The following PRKCE variants were observed in gnomAD, a reference collection of about 807,000 sequenced individuals.
The protein encoded by PRKCE is protein kinase C epsilon.
A neutral mutation model predicts 85.4 loss-of-function variants in PRKCE; 16 were observed. The ratio of observed to expected loss-of-function variants is 0.19; its 90% CI spans 0.13 to 0.28. PRKCE has a LOEUF of 0.28. PRKCE is among the 10% of genes least tolerant of loss of function. The pLI is 1.00. For synonymous variants in PRKCE, 388 were observed against 371.5 expected, an observed-to-expected ratio of 1.04 and a Z score of -0.51; for missense variants, 573 against 975.2, an observed-to-expected ratio of 0.59 and a Z score of 5.49.
chr2:45,813,893 C>T (rs1478357416), intron 1 of PRKCE, among the ~76,000 whole-genome samples: 1 of 152,220 alleles, frequency 6.6e-6, no homozygotes, highest in Non-Finnish European at 1.5e-5. Context: ...ATAAATACAG[C>T]TGAGATTAGC....
intron 10 of PRKCE, among the ~76,000 whole-genome samples, chr2:46,074,643 T>C (rs1668391008): frequency 6.6e-6 from 1 of 152,162 alleles, no homozygotes; most frequent in Non-Finnish European, 1.5e-5. Flanking sequence ...GTACAGGAAC[T>C]GATAAGGTGA....
intron 10 of PRKCE, among the ~76,000 whole-genome samples, chr2:46,026,910 G>A (rs995187371): frequency 6.6e-6 from 1 of 152,186 alleles, no homozygotes; most frequent in African/African-American, 2.4e-5. Flanking sequence ...GCAAGGGGCC[G>A]GGTGTGGTGG....
At chr2:46,086,840 G>A (rs1229145566) in intron 11 of PRKCE, among the ~76,000 whole-genome samples, 1 of 152,082 alleles carries the variant, frequency 6.6e-6, no homozygotes, top group Non-Finnish European at 1.5e-5. Flanking sequence ...TATGATCTTG[G>A]GTGGGGAACA....
At chr2:45,653,041 G>A (rs1191227930) in intron 1 of PRKCE, among the ~76,000 whole-genome samples, 2 of 152,162 alleles carry the variant, frequency 1.3e-5, no homozygotes, top group Non-Finnish European at 2.9e-5. Context: ...AACATCAGTC[G>A]AGCTTGTTTT....
At chr2:45,812,888 C>T (rs908857471) in intron 1 of PRKCE, among the ~76,000 whole-genome samples, 1 of 152,164 alleles carries the variant, frequency 6.6e-6, no homozygotes, top group Non-Finnish European at 1.5e-5. Flanking sequence ...AAATAATAGT[C>T]CGCCAGGAAA....
Position 46,086,301 on chromosome 2 carries a change from T to C in PRKCE, c.1531T>C (p.Phe511Leu), listed in dbSNP as rs759750884. 1.3e-6 allele frequency: 2 copies of C among 1,599,734 alleles called. No individual in the cohort carries two copies. The highest frequency in any genetic ancestry group is 2.2e-5 in the South Asian group (2 of 91,088). Residue 511 changes from phenylalanine to leucine, a missense_variant, in exon 11 of 15, where the codon TTC (phenylalanine) becomes CTC (leucine). This residue lies in a region of PRKCE where 89 missense variants were observed against 154.1 expected (regional missense o/e 0.58). Transcript: ENST00000306156. The stretch of plus-strand genomic sequence containing the variant: ...AAAATTCGACGAGCCTCGTTCACGG[T>C]TCTATGCTGCAGAGGTCACATCGGC... Reference protein sequence around the residue: ...SRKFDEPRSRFYAAEVTSALM... With the variant: ...SRKFDEPRSRLYAAEVTSALM...
intron 13 of PRKCE, among the ~76,000 whole-genome samples, chr2:46,154,457 A>AC (rs1278411871): frequency 2.1e-3 from 144 of 67,274 alleles, no homozygotes; most frequent in East Asian, 6.8e-3. Context: ...ACCCCGCCCC[A>AC]CCCCCCCCAA....
intron 11 of PRKCE, 80 bp downstream of exon 11, chr2:46,086,442 T>G: frequency 1.3e-6 from 2 of 1,492,010 alleles, no homozygotes; most frequent in South Asian, 1.3e-5. Context: ...CTTCAGCTCC[T>G]GCCCACTCGT....
At chr2:45,864,287 G>A (rs772300144) in intron 2 of PRKCE, among the ~76,000 whole-genome samples, 2 of 152,122 alleles carry the variant, frequency 1.3e-5, no homozygotes, top group African/African-American at 2.4e-5. Flanking sequence ...TTTAAGGGAC[G>A]AAGGTTCATG....
intron 2 of PRKCE, among the ~76,000 whole-genome samples, chr2:45,963,830 C>T (rs1204883755): frequency 1.4e-5 from 2 of 146,194 alleles, no homozygotes; most frequent in East Asian, 2.3e-4. Flanking sequence ...TTAAAATTAG[C>T]AAGTGCTCAA....
At chr2:45,811,982 T>C (rs559439782) in intron 1 of PRKCE, among the ~76,000 whole-genome samples, 1 of 152,322 alleles carries the variant, frequency 6.6e-6, no homozygotes, top group Admixed American at 6.5e-5. Context: ...GCTAGGGGAT[T>C]CCACCGCAGG....
intron 2 of PRKCE, among the ~76,000 whole-genome samples, chr2:45,884,972 TATATATATATATATATA>T (rs1445875208): frequency 1.1e-4 from 7 of 61,158 alleles, no homozygotes; most frequent in Non-Finnish European, 2.2e-4. Context: ...TATATATATA[TATATATATATATATATA>T]TATATATATA....
At chr2:45,972,129 A>T (rs1345861126) in intron 2 of PRKCE, among the ~76,000 whole-genome samples, 1 of 152,134 alleles carries the variant, frequency 6.6e-6, no homozygotes, top group Non-Finnish European at 1.5e-5. Context: ...AAAACTTATC[A>T]TTCTTTTTTT....
chr2:45,726,896 T>G (rs550071277), intron 1 of PRKCE, among the ~76,000 whole-genome samples: 1 of 152,282 alleles, frequency 6.6e-6, no homozygotes, highest in East Asian at 1.9e-4. Flanking sequence ...TGCTGCTTGT[T>G]AGCTGGGTGA....
chr2:45,951,230 C>G (rs1456033671), intron 2 of PRKCE, among the ~76,000 whole-genome samples: 1 of 152,200 alleles, frequency 6.6e-6, no homozygotes, highest in Non-Finnish European at 1.5e-5. Context: ...TCACTAGCTT[C>G]CCAGGTGATT....
At chr2:46,029,343 G>T (rs1707352709) in intron 10 of PRKCE, among the ~76,000 whole-genome samples, 1 of 152,132 alleles carries the variant, frequency 6.6e-6, no homozygotes, top group East Asian at 1.9e-4. Context: ...CAGATAATAT[G>T]TTAAATTTAC....
chr2:45,913,169 C>T (rs1466232837), intron 2 of PRKCE, among the ~76,000 whole-genome samples: 1 of 152,212 alleles, frequency 6.6e-6, no homozygotes, highest in Non-Finnish European at 1.5e-5. Flanking sequence ...TCTTTTGAGA[C>T]AGGGTCTCGC....
intron 10 of PRKCE, among the ~76,000 whole-genome samples, chr2:46,055,041 C>T (rs923504356): frequency 2.6e-5 from 4 of 152,142 alleles, no homozygotes; most frequent in African/African-American, 9.7e-5. Context: ...CCACATTTAC[C>T]ATCTCTAATT....
rs70937973 is a variant in PRKCE, at chr2:45,862,228, A to ACACACG, written c.412+19165_412+19166insCACACG. ...CACACACACACACACACACACACAC[A>ACACACG]GTATTTCAAATCTGTTACTCTGAAT... is the stretch of plus-strand genomic sequence containing the variant. On this transcript the variant is annotated intron_variant, in intron 2 of 14. Coordinates refer to ENST00000306156, the MANE Select transcript of PRKCE (RefSeq NM_005400.3). Among the ~76,000 whole-genome samples, 8 of 146,574 alleles carry ACACACG rather than the reference A, an allele frequency of 5.5e-5. 2 individuals are homozygous for ACACACG. The highest frequency in any genetic ancestry group is 1.0e-4 in the African/African-American group (4 of 39,918).
Sources: gnomAD v4.1 joint callset for allele counts (sites outside exome capture counted in the v4.1 genomes callset) on GRCh38, gnomAD v4.1.1 for gene constraint, gnomAD v4.1.1 regional missense constraint, MANE v1.5 for transcripts, NCBI Gene and HGNC (gene_info 2026-07-23, HGNC 2026-07-21) for gene names.